The following SNX29 variants were observed in gnomAD, a reference collection of about 807,000 sequenced individuals.
The protein encoded by SNX29 is sorting nexin-29.
Under a neutral mutation model 102.1 loss-of-function variants are expected in SNX29, and 78 were observed. That is an observed-to-expected ratio of 0.76 (90% CI 0.64 to 0.92). The LOEUF (loss-of-function observed/expected upper bound fraction) is 0.92. Among genes scored for constraint, SNX29 ranks in the 40% least tolerant of loss-of-function variants. The probability of loss-of-function intolerance (pLI) is 0.00; values close to 1 mark genes in which losing one functional copy is unlikely to be tolerated. For missense variants in SNX29, 1,280 were observed against 1,061.7 expected, an observed-to-expected ratio of 1.21 and a Z score of -2.86; for synonymous variants, 580 against 414.5, an observed-to-expected ratio of 1.40 and a Z score of -4.85.
At chr16:12,481,669 G>A (rs2087942739) in intron 19 of SNX29, among the ~76,000 whole-genome samples, 1 of 151,894 alleles carries the variant, frequency 6.6e-6, no homozygotes, top group East Asian at 1.9e-4. Flanking sequence ...CGAGTAGCTG[G>A]GACTATAGGC....
intron 20 of SNX29, among the ~76,000 whole-genome samples, chr16:12,537,533 TTACCTAC>T (rs1567670553): frequency 6.6e-6 from 1 of 152,208 alleles, no homozygotes; most frequent in Non-Finnish European, 1.5e-5. Context: ...AAAGGAAATA[TTACCTAC>T]TATGGAGCTT....
At chr16:11,976,889 C>T in intron 1 of SNX29, 76 bp downstream of exon 1, 2 of 1,290,664 alleles carry the variant, frequency 1.5e-6, no homozygotes, top group Non-Finnish European at 2.0e-6. Flanking sequence ...ACTCCGGCCC[C>T]TGCGTCCTCG....
At chr16:12,101,973 G>T (rs932531580) in intron 11 of SNX29, among the ~76,000 whole-genome samples, 1 of 152,004 alleles carries the variant, frequency 6.6e-6, no homozygotes, top group Admixed American at 6.6e-5. Context: ...GTGTCCATGT[G>T]TTCTCATTGT....
At chr16:12,287,728 C>G (rs1056439570) in intron 15 of SNX29, among the ~76,000 whole-genome samples, 1 of 152,228 alleles carries the variant, frequency 6.6e-6, no homozygotes, top group African/African-American at 2.4e-5. Context: ...GTGTTTGAAT[C>G]AGGATCCCAG....
At chr16:12,272,181 A>C (rs1343660159) in intron 14 of SNX29, among the ~76,000 whole-genome samples, 1 of 152,082 alleles carries the variant, frequency 6.6e-6, no homozygotes, top group Non-Finnish European at 1.5e-5. Context: ...TGCCCCCACC[A>C]GTGTTGAAGG....
chr16:12,477,725 A>G lies in SNX29; in HGVS notation c.2044A>G (p.Ile682Val). Reference protein sequence around the residue: ...ANAFHVYQVYIRIKDDEWNIY... With the variant: ...ANAFHVYQVYVRIKDDEWNIY... ...ATTTTCTCTTTCTTGACAGGTCTACATCCGGATAAAAGACGATGAATGGAA... is the reference window on the plus strand; with the variant it reads ...ATTTTCTCTTTCTTGACAGGTCTACGTCCGGATAAAAGACGATGAATGGAA... Residue 682 changes from isoleucine to valine, a missense_variant, in exon 19 of 21, where the codon ATC becomes GTC. Ile to Val is a conservative substitution (Grantham distance 29). Transcript: ENST00000566228. The G allele has an allele frequency of 1.9e-6, 3 of 1,611,932 alleles. No homozygotes were observed. Among genetic ancestry groups the G allele is most frequent in the South Asian group, 2.2e-5 (2 of 90,702 alleles).
At chr16:12,146,454 TG>T (rs987947153) in intron 13 of SNX29, among the ~76,000 whole-genome samples, 1 of 152,078 alleles carries the variant, frequency 6.6e-6, no homozygotes, top group African/African-American at 2.4e-5. Flanking sequence ...TTAATAGAGA[TG>T]GGGTTTTGCC....
At chr16:12,244,854 C>T (rs2078214810) in intron 14 of SNX29, among the ~76,000 whole-genome samples, 2 of 152,192 alleles carry the variant, frequency 1.3e-5, no homozygotes, top group East Asian at 3.8e-4. Context: ...CATTTCTCAC[C>T]ATTTGTTACT....
intron 20 of SNX29, among the ~76,000 whole-genome samples, chr16:12,536,363 G>C (rs1176087019): frequency 6.6e-6 from 1 of 152,050 alleles, no homozygotes; most frequent in Admixed American, 6.6e-5. Flanking sequence ...AGGGTTGGGG[G>C]TAAAGCTTGT....
rs759633877 is a variant in SNX29, at chr16:12,569,633, C to G, written c.*1004C>G. The G allele has an allele frequency of 2.0e-4, 34 of 171,496 alleles. No homozygotes were observed. The highest frequency in any genetic ancestry group is 1.3e-3 in the African/African-American group (32 of 25,094). 10.6% of individuals were successfully genotyped at this position (171,496 alleles called of 1,614,324 possible). ...CCTTGATAACAGAACTCTGCATCCC[C>G]TAAGACAGAGTCCTCTGTTCCTCCC... On this transcript the variant is annotated 3_prime_UTR_variant, in exon 21 of 21. Coordinates refer to ENST00000566228, the MANE Select transcript of SNX29 (RefSeq NM_032167.5).
intron 20 of SNX29, among the ~76,000 whole-genome samples, chr16:12,533,588 T>G (rs528942128): frequency 6.6e-6 from 1 of 152,170 alleles, no homozygotes; most frequent in Non-Finnish European, 1.5e-5. Context: ...AGGTATATTA[T>G]TTGGAGGGAG....
At chr16:12,442,084 C>G (rs1358913769) in intron 18 of SNX29, among the ~76,000 whole-genome samples, 2 of 152,066 alleles carry the variant, frequency 1.3e-5, no homozygotes, top group African/African-American at 4.8e-5. Flanking sequence ...CTGGCTTTGA[C>G]TTAATTTTTA....
intron 14 of SNX29, among the ~76,000 whole-genome samples, chr16:12,241,030 G>A (rs769314568): frequency 4.6e-5 from 7 of 151,972 alleles, no homozygotes; most frequent in African/African-American, 4.8e-5. Flanking sequence ...AATTTCTTCC[G>A]TTTGTAGTAT....
chr16:12,428,443 T>A (rs1002529974), intron 18 of SNX29, among the ~76,000 whole-genome samples: 1 of 151,914 alleles, frequency 6.6e-6, no homozygotes, highest in Non-Finnish European at 1.5e-5. Flanking sequence ...CTAAAAGTAG[T>A]ACATCTTCTT....
At chr16:12,329,835 G>C (rs1286602276) in intron 15 of SNX29, among the ~76,000 whole-genome samples, 1 of 152,182 alleles carries the variant, frequency 6.6e-6, no homozygotes, top group Non-Finnish European at 1.5e-5. Flanking sequence ...TCTTTGAATA[G>C]CACAAAGATC....
intron 14 of SNX29, among the ~76,000 whole-genome samples, chr16:12,254,902 T>A (rs1305799429): frequency 6.6e-6 from 1 of 152,152 alleles, no homozygotes; most frequent in Non-Finnish European, 1.5e-5. Context: ...GGAGAGGGGC[T>A]GGAGAGGGCG....
chr16:12,214,588 G>GA (rs1445342222), intron 14 of SNX29, among the ~76,000 whole-genome samples: 2 of 151,468 alleles, frequency 1.3e-5, no homozygotes, highest in African/African-American at 4.9e-5. Context: ...TTTTTTCTCA[G>GA]ACTGAATGGA....
chr16:12,554,625 C>T (rs1311605094), intron 20 of SNX29, among the ~76,000 whole-genome samples: 2 of 152,212 alleles, frequency 1.3e-5, no homozygotes, highest in African/African-American at 2.4e-5. Flanking sequence ...CACATACCTG[C>T]CTCAGTTTCC....
intron 13 of SNX29, among the ~76,000 whole-genome samples, chr16:12,175,140 T>C (rs544698558): frequency 3.7e-4 from 57 of 152,344 alleles, no homozygotes; most frequent in Non-Finnish European, 6.0e-4. Context: ...TTTTTACTGA[T>C]CTATTACTAG....
Sources: gnomAD v4.1 joint callset for allele counts (sites outside exome capture counted in the v4.1 genomes callset) on GRCh38, gnomAD v4.1.1 for gene constraint, MANE v1.5 for transcripts, NCBI Gene and HGNC (gene_info 2026-07-23, HGNC 2026-07-21) for gene names.